Variants in SHISA9 observed in about 807,000 individuals in gnomAD.
The protein encoded by SHISA9 is shisa family member 9.
Under a neutral mutation model 38.0 loss-of-function variants are expected in SHISA9, and 13 were observed. The ratio of observed to expected loss-of-function variants is 0.34; its 90% CI spans 0.22 to 0.54. The LOEUF is 0.54. SHISA9 is among the 20% of genes least tolerant of loss of function. SHISA9 has a pLI of 0.91. For missense variants in SHISA9, 538 were observed against 575.8 expected (o/e 0.93, Z 0.67); for synonymous variants, 275 against 242.0 (o/e 1.14, Z -1.27).
chr16:13,413,087 C>G, the SHISA9 span, among the ~76,000 whole-genome samples: 1 of 152,018 alleles, frequency 6.6e-6, no homozygotes, highest in Non-Finnish European at 1.5e-5. Context: ...CAGATGAAAA[C>G]TCGGGGAACT....
intron 2 of SHISA9, among the ~76,000 whole-genome samples, chr16:13,107,102 G>C (rs1047445548): frequency 6.6e-6 from 1 of 152,006 alleles, no homozygotes; most frequent in Non-Finnish European, 1.5e-5. Context: ...TTTATTCCCC[G>C]AGTGAGGGAA....
the SHISA9 span, chr16:13,258,395 A>T: frequency 6.6e-6 from 1 of 152,230 alleles, no homozygotes; most frequent in Admixed American, 6.5e-5. Context: ...GGTTTCTTTG[A>T]AGACTAGAAA....
intron 2 of SHISA9, among the ~76,000 whole-genome samples, chr16:13,139,346 C>T (rs2050377497): frequency 1.5e-5 from 2 of 134,594 alleles, no homozygotes; most frequent in Admixed American, 7.5e-5. Context: ...TTCTTCACAC[C>T]CCTTCCCTCC....
chr16:13,478,521 C>T, the SHISA9 span, among the ~76,000 whole-genome samples: 1 of 152,178 alleles, frequency 6.6e-6, no homozygotes, highest in Non-Finnish European at 1.5e-5. Context: ...ACTGGACTTC[C>T]TTGTGCATCA....
intron 2 of SHISA9, among the ~76,000 whole-genome samples, chr16:12,967,074 A>T (rs2071989271): frequency 6.6e-6 from 1 of 152,222 alleles, no homozygotes; most frequent in Non-Finnish European, 1.5e-5. Flanking sequence ...TACCCAAAGG[A>T]TTATAAATCA....
At position 13,104,164 on chromosome 16, in the gene SHISA9, C is replaced by T. The variant is rs536089942; in HGVS notation, c.692-99230C>T. 3.3e-5 allele frequency among the ~76,000 whole-genome samples: 5 copies of T among 152,214 alleles called. No individual in the cohort carries two copies. In the East Asian group the frequency reaches 9.6e-4, roughly 29 times the overall value. On this transcript the variant is annotated intron_variant, in intron 2 of 4. Coordinates refer to ENST00000558583, the MANE Select transcript of SHISA9 (RefSeq NM_001145204.3). Reference sequence around the variant, plus strand: ...GGTTGTCTAAGGGGGCCAGGTTTACCAGCTTTCCATATTCTCAGTCATGTC... The same window carrying T: ...GGTTGTCTAAGGGGGCCAGGTTTACTAGCTTTCCATATTCTCAGTCATGTC...
chr16:13,008,726 C>A (rs1196618125), intron 2 of SHISA9, among the ~76,000 whole-genome samples: 1 of 144,332 alleles, frequency 6.9e-6, no homozygotes, highest in Non-Finnish European at 1.5e-5. Context: ...TGCCTTGCTT[C>A]CCCTTTACCT....
chr16:13,534,931 C>T, the SHISA9 span, among the ~76,000 whole-genome samples: 17 of 152,010 alleles, frequency 1.1e-4, no homozygotes, highest in African/African-American at 2.9e-4. Context: ...AATAACATTG[C>T]TCGCCAACCT....
chr16:13,469,331 A>G, the SHISA9 span, among the ~76,000 whole-genome samples: 1 of 112,364 alleles, frequency 8.9e-6, no homozygotes, highest in East Asian at 2.7e-4. Context: ...AGAAAGAAAG[A>G]AAGAAAGAAA....
intron 1 of SHISA9, 148 bp from the exon 2 acceptor site, chr16:12,916,540 A>C: frequency 1.1e-6 from 1 of 898,734 alleles, no homozygotes; most frequent in Non-Finnish European, 1.6e-6. Flanking sequence ...TTATTTACTT[A>C]CGTTTTTCTC....
chr16:13,359,620 A>G, the SHISA9 span, among the ~76,000 whole-genome samples: 1 of 152,272 alleles, frequency 6.6e-6, no homozygotes, highest in African/African-American at 2.4e-5. Context: ...ATTTATCACC[A>G]TACTTTTACC....
At chr16:13,037,267 T>C (rs1320983493) in intron 2 of SHISA9, among the ~76,000 whole-genome samples, 2 of 152,036 alleles carry the variant, frequency 1.3e-5, no homozygotes, top group Admixed American at 6.6e-5. Context: ...CAAGCGGGTG[T>C]AAGTGCCAAT....
chr16:13,421,052 T>TTAA, the SHISA9 span, among the ~76,000 whole-genome samples: 1 of 152,164 alleles, frequency 6.6e-6, no homozygotes, highest in South Asian at 2.1e-4. Context: ...CTGGCACCAA[T>TTAA]TAATGCAAAC....
At chr16:12,966,474 C>T (rs899255647) in intron 2 of SHISA9, among the ~76,000 whole-genome samples, 1 of 152,092 alleles carries the variant, frequency 6.6e-6, no homozygotes, top group Non-Finnish European at 1.5e-5. Flanking sequence ...AGGCTGGTCT[C>T]GAACTCCTGG....
the SHISA9 span, among the ~76,000 whole-genome samples, chr16:13,511,795 C>CAG: frequency 7.3e-5 from 11 of 149,996 alleles, no homozygotes; most frequent in Admixed American, 6.0e-4. Context: ...AGGGTGGGGG[C>CAG]AGAGAGAGAG....
the SHISA9 span, among the ~76,000 whole-genome samples, chr16:13,353,594 C>G: frequency 2.0e-5 from 3 of 151,892 alleles, no homozygotes; most frequent in African/African-American, 7.3e-5. Flanking sequence ...TTTTGGGGCA[C>G]AGTCTAAGTT....
chr16:13,477,068 T>C, the SHISA9 span, among the ~76,000 whole-genome samples: 3 of 152,194 alleles, frequency 2.0e-5, no homozygotes, highest in African/African-American at 7.2e-5. Flanking sequence ...ACAATGTTCT[T>C]ACGTGGTCCA....
At position 13,058,364 on chromosome 16, in the gene SHISA9, C is replaced by T. The variant is rs979110529; in HGVS notation, c.691+141549C>T. ...CCCAGGGTACCTACTGCTCTGTGCC[C>T]TCTTATTACTCAGGGCCTCCCTGGT... On this transcript the variant is annotated intron_variant, in intron 2 of 4. Coordinates refer to ENST00000558583, the MANE Select transcript of SHISA9 (RefSeq NM_001145204.3). Among the ~76,000 whole-genome samples, 3 of 152,162 alleles carry T rather than the reference C, an allele frequency of 2.0e-5. No individual in the cohort carries two copies. The East Asian group carries it at 5.8e-4, about 29-fold the overall frequency.
intron 2 of SHISA9, among the ~76,000 whole-genome samples, chr16:12,947,582 G>A (rs1297475301): frequency 3.3e-5 from 5 of 152,202 alleles, no homozygotes; most frequent in South Asian, 2.1e-4. Flanking sequence ...TCAGCTTGGG[G>A]AGACATCACG....
Sources: gnomAD v4.1 joint callset for allele counts (sites outside exome capture counted in the v4.1 genomes callset) on GRCh38, gnomAD v4.1.1 for gene constraint, MANE v1.5 for transcripts, NCBI Gene and HGNC (gene_info 2026-07-23, HGNC 2026-07-21) for gene names.